COQ3: variants seen among roughly 807,000 people sequenced by gnomAD.
COQ3 encodes the protein ubiquinone biosynthesis O-methyltransferase, mitochondrial.
In COQ3, 29 loss-of-function variants were observed where a neutral mutation model predicts 33.1. The ratio of observed to expected loss-of-function variants is 0.88; its 90% CI spans 0.65 to 1.19. The LOEUF is 1.19. Ranked by LOEUF, COQ3 falls within the 50% of genes most tolerant of loss-of-function variation. The probability of loss-of-function intolerance (pLI) is 0.00; values close to 1 mark genes in which losing one functional copy is unlikely to be tolerated. For missense variants in COQ3, 437 were observed against 430.7 expected (o/e 1.01, Z -0.13); for synonymous variants, 173 against 157.8 (o/e 1.10, Z -0.72).
In COQ3 at chr6:99,380,343, TA is replaced by T; in HGVS notation, c.234-3del. 1 of 1,612,730 alleles carries T rather than the reference TA, an allele frequency of 6.2e-7. No individual in the cohort carries two copies. The highest frequency in any genetic ancestry group is 8.5e-7 in the Non-Finnish European group (1 of 1,179,294). ...CTGTACAGTCTCGCCCAAGGGTACC[TA>T]AAAGGTGAAAATGAAGAACCAAGCA... On this transcript the variant is annotated splice_region_variant and splice_polypyrimidine_tract_variant and intron_variant, in intron 2 of 6. Transcript: ENST00000254759.
chr6:99,376,290 T>A, intron 4 of COQ3, 108 bp from the exon 5 acceptor site: 1 of 1,144,908 alleles, frequency 8.7e-7, no homozygotes, highest in Admixed American at 2.6e-5. Context: ...TGATAAATAC[T>A]GGACATCATT....
At chr6:99,388,001 C>T (rs992674786) in intron 1 of COQ3, among the ~76,000 whole-genome samples, 2 of 151,914 alleles carry the variant, frequency 1.3e-5, no homozygotes, top group South Asian at 4.2e-4. Flanking sequence ...CCTGTCTCTA[C>T]TAAAAATACA....
chr6:99,376,171 C>A lies in COQ3; in HGVS notation c.498G>T (p.Arg166=), dbSNP rs779755806. 1 of 1,613,922 alleles carries A rather than the reference C, an allele frequency of 6.2e-7. No individual in the cohort carries two copies. The highest frequency in any genetic ancestry group is 1.7e-5 in the Admixed American group (1 of 60,014). The change falls in exon 5 of 7, where the codon CGG becomes CGT. Residue 166 remains arginine (R), a synonymous_variant. Coordinates refer to ENST00000254759, the MANE Select transcript of COQ3 (RefSeq NM_017421.4). ...GGGLLTEPLG[R]LGASVIGIDP... ...CGATTCCAATAACTGAAGCCCCAAGCCGCCCTAGAGGCTAATGGCATTAAA... is the reference window on the plus strand; with the variant it reads ...CGATTCCAATAACTGAAGCCCCAAGACGCCCTAGAGGCTAATGGCATTAAA...
intron 1 of COQ3, among the ~76,000 whole-genome samples, chr6:99,385,891 C>G (rs1255384458): frequency 1.3e-5 from 2 of 148,294 alleles, no homozygotes; most frequent in Non-Finnish European, 3.0e-5. Context: ...GCAGAAGAAT[C>G]GCTTGAACCT....
chr6:99,386,815 C>A (rs188329393), intron 1 of COQ3, among the ~76,000 whole-genome samples: 59 of 152,210 alleles, frequency 3.9e-4, no homozygotes, highest in South Asian at 1.2e-3. Context: ...AAACAAATCT[C>A]CAGTCTCGGA....
intron 1 of COQ3, among the ~76,000 whole-genome samples, chr6:99,387,552 T>A (rs964321438): frequency 7.2e-5 from 11 of 152,238 alleles, no homozygotes; most frequent in African/African-American, 2.7e-4. Context: ...ATATCCATTA[T>A]GATTAAAAAC....
intron 1 of COQ3, among the ~76,000 whole-genome samples, chr6:99,392,431 G>A (rs556553876): frequency 2.8e-4 from 43 of 152,200 alleles, no homozygotes; most frequent in African/African-American, 8.7e-4. Context: ...TCCACTGTCC[G>A]CGGGATAGTC....
intron 5 of COQ3, among the ~76,000 whole-genome samples, chr6:99,371,997 C>T (rs1465112266): frequency 2.0e-5 from 3 of 152,210 alleles, no homozygotes; most frequent in East Asian, 3.8e-4. Flanking sequence ...TCGTTTGTTA[C>T]AGCACAGAGC....
At chr6:99,370,756 A>G (rs1184836473) in intron 6 of COQ3, among the ~76,000 whole-genome samples, 2 of 151,378 alleles carry the variant, frequency 1.3e-5, no homozygotes, top group Non-Finnish European at 2.9e-5. Context: ...GACTTATATG[A>G]AAAAAAAAGC....
At chr6:99,383,309 A>C (rs970307898) in intron 2 of COQ3, among the ~76,000 whole-genome samples, 1 of 152,202 alleles carries the variant, frequency 6.6e-6, no homozygotes, top group African/African-American at 2.4e-5. Flanking sequence ...ATTTCTAAAA[A>C]TTTTAAAATA....
At chr6:99,389,514 A>G (rs1774764609) in intron 1 of COQ3, among the ~76,000 whole-genome samples, 1 of 152,176 alleles carries the variant, frequency 6.6e-6, no homozygotes, top group Admixed American at 6.6e-5. Context: ...GGTACAGTAC[A>G]AAGTATCTCT....
At chr6:99,384,438 G>C (rs1774559044) in intron 1 of COQ3, among the ~76,000 whole-genome samples, 1 of 152,026 alleles carries the variant, frequency 6.6e-6, no homozygotes, top group African/African-American at 2.4e-5. Context: ...AAAATGACAG[G>C]AATGATATTC....
At chr6:99,390,403 A>G (rs1024121987) in intron 1 of COQ3, among the ~76,000 whole-genome samples, 12 of 146,154 alleles carry the variant, frequency 8.2e-5, no homozygotes, top group Admixed American at 4.9e-4. Flanking sequence ...GCGAGATCTC[A>G]GCTCACTACA....
At chr6:99,391,791 G>A (rs1774838530) in intron 1 of COQ3, among the ~76,000 whole-genome samples, 1 of 152,116 alleles carries the variant, frequency 6.6e-6, no homozygotes, top group African/African-American at 2.4e-5. Context: ...TTGAGCCCAG[G>A]AGTTCAAGAC....
intron 1 of COQ3, among the ~76,000 whole-genome samples, chr6:99,387,235 G>A (rs953082503): frequency 2.6e-5 from 4 of 152,124 alleles, no homozygotes; most frequent in African/African-American, 9.7e-5. Flanking sequence ...GATTGTTTGA[G>A]CCCAGGAGTT....
At chr6:99,392,926 C>G (rs1456550629) in intron 1 of COQ3, among the ~76,000 whole-genome samples, 1 of 152,142 alleles carries the variant, frequency 6.6e-6, no homozygotes, top group Non-Finnish European at 1.5e-5. Context: ...TCTAAATATC[C>G]CATTCAAGAA....
chr6:99,373,831 A>G (rs938373579), intron 5 of COQ3, among the ~76,000 whole-genome samples: 1 of 152,112 alleles, frequency 6.6e-6, no homozygotes, highest in African/African-American at 2.4e-5. Flanking sequence ...GTCTCTACAA[A>G]AAAGTAAAAT....
intron 1 of COQ3, among the ~76,000 whole-genome samples, chr6:99,384,425 C>T (rs1774558809): frequency 6.6e-6 from 1 of 152,100 alleles, no homozygotes; most frequent in African/African-American, 2.4e-5. Flanking sequence ...ACATTATGTA[C>T]ATAAAATGAC....
rs1452713405 is a variant in COQ3, at chr6:99,376,200, A to T, written c.487-18T>A. The T allele has an allele frequency of 1.7e-5, 27 of 1,608,470 alleles. No individual in the cohort carries two copies. The highest frequency in any genetic ancestry group is 2.2e-5 in the Non-Finnish European group (26 of 1,177,842). On this transcript the variant is annotated intron_variant, in intron 4 of 6. Coordinates refer to ENST00000254759, the MANE Select transcript of COQ3 (RefSeq NM_017421.4). ...CCTAGAGGCTAATGGCATTAAAAAA[A>T]CTGTTACCCTCAGGAAGAAAATAGA...
Sources: allele counts gnomAD v4.1 joint callset (sites outside exome capture counted in the v4.1 genomes callset), GRCh38; gene constraint gnomAD v4.1.1; transcripts MANE v1.5; gene names NCBI Gene and HGNC (gene_info 2026-07-23, HGNC 2026-07-21).